The following PTH1R variants were observed in gnomAD, a reference collection of about 807,000 sequenced individuals.
PTH1R encodes parathyroid hormone/parathyroid hormone-related peptide receptor.
PTH1R carries 32 observed loss-of-function variants against 70.7 expected under a neutral mutation model. The observed-to-expected ratio is 0.45, with a 90% CI of 0.34 to 0.61. The LOEUF is 0.61. Ranked by LOEUF, PTH1R falls within the 20% of genes least tolerant of loss-of-function variation. The probability of loss-of-function intolerance (pLI) is 0.01; values close to 1 mark genes in which losing one functional copy is unlikely to be tolerated. For missense variants in PTH1R, 626 were observed against 792.5 expected, an observed-to-expected ratio of 0.79 and a Z score of 2.52; for synonymous variants, 329 against 324.8, an observed-to-expected ratio of 1.01 and a Z score of -0.14.
rs1480470209 is a variant in PTH1R at position 46,895,809 on chromosome 3, G to A, written c.253G>A (p.Gly85Arg). ...SGKPRKDKAS[G>R]KLYPESEEDK... The stretch of plus-strand genomic sequence containing the variant: ...GAAGCCCAGGAAAGATAAGGCATCT[G>A]GGAAGCTCTACCCTGAGTCTGAGGA... Residue 85 changes from glycine (G) to arginine (R), a missense_variant, in exon 5 of 16, where the codon GGG becomes AGG. By Grantham distance (125) the Gly-to-Arg change is moderately radical. Transcript: ENST00000449590. 6 of 1,614,018 alleles carry A rather than the reference G, an allele frequency of 3.7e-6. No homozygotes were observed. The African/African-American group carries it at 8.0e-5, about 22-fold the overall frequency.
Position 46,903,177 on chromosome 3 carries a change from C to T in PTH1R, c.1396-93C>T. Reference sequence around the variant, plus strand: ...GAGTTTCCCAGGAGTCCCCTATTCCCATTTTCATTCCGTGCTGGGTGTCCA... The same window carrying T: ...GAGTTTCCCAGGAGTCCCCTATTCCTATTTTCATTCCGTGCTGGGTGTCCA... On this transcript the variant is annotated intron_variant, in intron 15 of 15. Coordinates refer to ENST00000449590, the MANE Select transcript of PTH1R (RefSeq NM_000316.3). The surrounding 1 kb of genome is among the most constrained non-coding windows in gnomAD (Gnocchi z 4.4). 1 of 1,565,832 alleles carries T rather than the reference C, an allele frequency of 6.4e-7. No individual in the cohort carries two copies. The highest frequency in any genetic ancestry group is 8.6e-7 in the Non-Finnish European group (1 of 1,157,246).
rs2107071672 is a variant in PTH1R at position 46,903,761 on chromosome 3, CAG to C, written c.*106_*107del. 5 of 1,493,484 alleles carry C rather than the reference CAG, an allele frequency of 3.3e-6. No individual in the cohort carries two copies. Among genetic ancestry groups the C allele is most frequent in the East Asian group, 2.3e-5 (1 of 43,324 alleles). The allele number at this position is 1,493,484 out of a possible 1,614,324, so 92.5% of individuals were successfully genotyped here. ...TCAGGGCTGGGGCCAAGAGGAAAAA[CAG>C]GGAAAAAAAGAAAAAAAAAAGAAAA... On this transcript the variant is annotated 3_prime_UTR_variant, in exon 16 of 16. Coordinates refer to ENST00000449590, the MANE Select transcript of PTH1R (RefSeq NM_000316.3). The surrounding 1 kb of genome is among the most constrained non-coding windows in gnomAD (Gnocchi z 4.4).
Position 46,883,397 on chromosome 3 carries a change from T to C in PTH1R, c.-48-115T>C, listed in dbSNP as rs2030788384. On this transcript the variant is annotated intron_variant, in intron 2 of 15. Transcript: ENST00000449590. The surrounding 1 kb of genome is among the most constrained non-coding windows in gnomAD (Gnocchi z 6.4). Reference sequence around the variant, plus strand: ...CGCTCGCTCGCTCGCCCTCAGCGCATGGGCCCCGCGCCGGGCCCCGGGGCC... The same window carrying C: ...CGCTCGCTCGCTCGCCCTCAGCGCACGGGCCCCGCGCCGGGCCCCGGGGCC... 2 of 187,850 alleles carry C rather than the reference T, an allele frequency of 1.1e-5. No individual in the cohort carries two copies. Among genetic ancestry groups the C allele is most frequent in the Admixed American group, 6.8e-5 (1 of 14,696 alleles). The allele number at this position is 187,850 out of a possible 1,614,324, so 11.6% of individuals were successfully genotyped here. A position where few individuals can be genotyped will look rare whatever the true frequency, so the allele number is the denominator to read the frequency against.
At position 46,892,722 on chromosome 3, in the gene PTH1R, ACAGC is replaced by A. The variant is rs766593525; in HGVS notation, c.76-1182_76-1179del. The A allele has an allele frequency of 1.8e-4, 174 of 984,114 alleles. No homozygotes were observed. The Middle Eastern group carries it at 3.0e-3, about 17-fold the overall frequency. The allele number at this position is 984,114 out of a possible 1,614,324, so 61.0% of individuals were successfully genotyped here. A position where few individuals can be genotyped will look rare whatever the true frequency, so the allele number is the denominator to read the frequency against. ...CCTCCTCTGGGTCCTCCCGCCCTTC[ACAGC>A]CATGCTCGGACTGCAGGGCCCCGGC... is the stretch of plus-strand genomic sequence containing the variant. On this transcript the variant is annotated intron_variant, in intron 3 of 15. Transcript: ENST00000449590. This position sits in a 1 kb window ranked among gnomAD's most constrained non-coding sequence, Gnocchi z 5.2.
At position 46,898,715 on chromosome 3, in the gene PTH1R, T is replaced by G; in HGVS notation, c.692T>G (p.Met231Arg). 6.2e-7 allele frequency: 1 copy of G among 1,611,834 alleles called. No individual in the cohort carries two copies. Among genetic ancestry groups the G allele is most frequent in the Non-Finnish European group, 8.5e-7 (1 of 1,179,622 alleles). ...YIHMHLFLSF[M>R]LRAVSIFVKD... ...CACATGCACCTGTTCCTGTCCTTCATGCTGCGCGCCGTGAGCATCTTCGTC... is the reference window on the plus strand; with the variant it reads ...CACATGCACCTGTTCCTGTCCTTCAGGCTGCGCGCCGTGAGCATCTTCGTC... Residue 231 changes from methionine (M) to arginine (R), a missense_variant, in exon 9 of 16, where the codon ATG becomes AGG. Physicochemically the swap from Met to Arg is moderately conservative, Grantham distance 91. Around this residue, in one of 3 missense-constraint regions of PTH1R, gnomAD observed 495 missense variants for 638.7 expected, o/e 0.77. Coordinates refer to ENST00000449590, the MANE Select transcript of PTH1R (RefSeq NM_000316.3).
In PTH1R at chr3:46,898,802, AGCTGCGCGCCATCGCCCAGGCGCCCCC is replaced by A; in HGVS notation, c.782_808del (p.Leu261_Pro269del). The A allele has an allele frequency of 6.3e-7, 1 of 1,591,610 alleles. No individual in the cohort carries two copies. Among genetic ancestry groups the A allele is most frequent in the Non-Finnish European group, 8.5e-7 (1 of 1,174,338 alleles). On this transcript the variant is annotated inframe_deletion, in exon 9 of 16. Transcript: ENST00000449590. ...GAGGCTGAGCGCCTCACCGAGGAGG[AGCTGCGCGCCATCGCCCAGGCGCCCCC>A]GCCGCCTGCCACCGCCGCTGCCGGC...
chr3:46,883,590 G>C lies in PTH1R; in HGVS notation c.31G>C (p.Ala11Pro). 6.5e-7 allele frequency: 1 copy of C among 1,541,408 alleles called. No individual in the cohort carries two copies. Among genetic ancestry groups the C allele is most frequent in the Non-Finnish European group, 8.7e-7 (1 of 1,146,480 alleles). The part of the protein sequence containing the change: MGTARIAPGL[A>P]LLLCCPVLSS... ...GACCGCCCGGATCGCACCCGGCCTGGCGCTCCTGCTCTGCTGCCCCGTGCT... is the reference window on the plus strand; with the variant it reads ...GACCGCCCGGATCGCACCCGGCCTGCCGCTCCTGCTCTGCTGCCCCGTGCT... The change falls in exon 3 of 16, where the codon GCG becomes CCG. Residue 11 changes from alanine (A) to proline (P), a missense_variant. Physicochemically the swap from Ala to Pro is conservative, Grantham distance 27. Around this residue, in one of 3 missense-constraint regions of PTH1R, gnomAD observed 123 missense variants for 125.7 expected, o/e 0.98. Transcript: ENST00000449590. This position sits in a 1 kb window ranked among gnomAD's most constrained non-coding sequence, Gnocchi z 6.4.
intron 4 of PTH1R, among the ~76,000 whole-genome samples, chr3:46,895,063 C>CAAAAAAAA (rs66702283): frequency 3.8e-5 from 2 of 52,822 alleles, no homozygotes; most frequent in Non-Finnish European, 1.0e-4. Flanking sequence ...GACCTTGTCT[C>CAAAAAAAA]AAAAAAAAAA....
Position 46,902,396 on chromosome 3 carries a change from C to A in PTH1R, c.1212-130C>A. 1 of 1,268,156 alleles carries A rather than the reference C, an allele frequency of 7.9e-7. No individual in the cohort carries two copies. The allele number at this position is 1,268,156 out of a possible 1,614,324, so 78.6% of individuals were successfully genotyped here. A position where few individuals can be genotyped will look rare whatever the true frequency, so the allele number is the denominator to read the frequency against. On this transcript the variant is annotated intron_variant, in intron 13 of 15. Transcript: ENST00000449590. The surrounding 1 kb of genome is among the most constrained non-coding windows in gnomAD (Gnocchi z 5.4). ...CAGCCATGCAGGTGAACTGGGTTGT[C>A]CTCCCATGGTGACTGGAGCCCTGGG...
chr3:46,902,955 C>G lies in PTH1R; in HGVS notation c.1395+165C>G. ...GAAGTCTTTCCAGATGATGCAGGTTCAGGATGTGCTAGGATGTGGGGACTC... is the reference window on the plus strand; with the variant it reads ...GAAGTCTTTCCAGATGATGCAGGTTGAGGATGTGCTAGGATGTGGGGACTC... On this transcript the variant is annotated intron_variant, in intron 15 of 15. Transcript: ENST00000449590. This position sits in a 1 kb window ranked among gnomAD's most constrained non-coding sequence, Gnocchi z 5.4. 9.0e-7 allele frequency: 1 copy of G among 1,117,176 alleles called. No individual in the cohort carries two copies. Among genetic ancestry groups the G allele is most frequent in the Non-Finnish European group, 1.3e-6 (1 of 754,222 alleles). The allele number at this position is 1,117,176 out of a possible 1,614,324, so 69.2% of individuals were successfully genotyped here. A position where few individuals can be genotyped will look rare whatever the true frequency, so the allele number is the denominator to read the frequency against.
Position 46,901,431 on chromosome 3 carries a change from C to G in PTH1R, c.1067C>G (p.Ser356Cys). The G allele has an allele frequency of 6.3e-7, 1 of 1,575,662 alleles. No homozygotes were observed. Among genetic ancestry groups the G allele is most frequent in the South Asian group, 1.2e-5 (1 of 85,794 alleles). Residue 356 changes from serine to cysteine, a missense_variant, in exon 12 of 16, where the codon TCC (serine) becomes TGC (cysteine). Around this residue, in one of 3 missense-constraint regions of PTH1R, gnomAD observed 495 missense variants for 638.7 expected, o/e 0.77. Transcript: ENST00000449590. This position sits in a 1 kb window ranked among gnomAD's most constrained non-coding sequence, Gnocchi z 7.3. Reference protein sequence around the residue: ...LANTGCWDLSSGNKKWIIQVP... With the variant: ...LANTGCWDLSCGNKKWIIQVP... ...TCCCCCAGGTGCTGGGACTTGAGCT[C>G]CGGGAACAAAAAGTGGATCATCCAG...
chr3:46,885,706 G>A (rs909383447), intron 3 of PTH1R, among the ~76,000 whole-genome samples: 17 of 152,174 alleles, frequency 1.1e-4, no homozygotes, highest in Non-Finnish European at 2.4e-4. Context: ...TGGCTTCGGG[G>A]CCAGAAGATT....
Position 46,903,161 on chromosome 3 carries a change from A to G in PTH1R, c.1396-109A>G. ...ATTTCACTTGGCCTTGGAGTTTCCC[A>G]GGAGTCCCCTATTCCCATTTTCATT... On this transcript the variant is annotated intron_variant, in intron 15 of 15. Transcript: ENST00000449590. The surrounding 1 kb of genome is among the most constrained non-coding windows in gnomAD (Gnocchi z 4.4). 1.3e-6 allele frequency: 2 copies of G among 1,546,194 alleles called. No homozygotes were observed. Among genetic ancestry groups the G allele is most frequent in the South Asian group, 2.4e-5 (2 of 83,690 alleles).
In PTH1R at chr3:46,883,060, C is replaced by A. The variant is rs900209788; in HGVS notation, c.-48-452C>A. Among the ~76,000 whole-genome samples, 2 of 151,788 alleles carry A rather than the reference C, an allele frequency of 1.3e-5. No individual in the cohort carries two copies. Among genetic ancestry groups the A allele is most frequent in the African/African-American group, 4.8e-5 (2 of 41,366 alleles). On this transcript the variant is annotated intron_variant, in intron 2 of 15. Transcript: ENST00000449590. The surrounding 1 kb of genome is among the most constrained non-coding windows in gnomAD (Gnocchi z 6.4). ...AAAAATAACAGTCCTGCGCGCCCCC[C>A]GCAGACCGCGACCCCGACCCCTCCC...
At position 46,901,051 on chromosome 3, in the gene PTH1R, TG is replaced by T; in HGVS notation, c.1018del (p.Val340SerfsTer15). 1.9e-6 allele frequency: 3 copies of T among 1,584,498 alleles called. No individual in the cohort carries two copies. The highest frequency in any genetic ancestry group is 1.7e-6 in the Non-Finnish European group (2 of 1,164,162). ...TCTGCCCGCTGTCTTCGTGGCTGTG[TG>T]GGTCAGTGTCAGAGCTACCCTGGCC... is the stretch of plus-strand genomic sequence containing the variant. ...WGLPAVFVAV[W>X]VSVRATLANT... On this transcript the variant is annotated frameshift_variant, in exon 11 of 16. Coordinates refer to ENST00000449590, the MANE Select transcript of PTH1R (RefSeq NM_000316.3). LOFTEE classifies it high-confidence loss of function. The surrounding 1 kb of genome is among the most constrained non-coding windows in gnomAD (Gnocchi z 7.3).
chr3:46,903,510 G>T lies in PTH1R; in HGVS notation c.1636G>T (p.Glu546Ter). Reference protein sequence around the residue: ...GHAKPGTPALETLETTPPAMA... With the variant: ...GHAKPGTPAL ...TGCCAAGCCAGGGACCCCAGCCCTGGAGACCCTCGAGACCACACCACCTGC... is the reference window on the plus strand; with the variant it reads ...TGCCAAGCCAGGGACCCCAGCCCTGTAGACCCTCGAGACCACACCACCTGC... The change falls in exon 16 of 16, where the codon GAG becomes TAG. Residue 546 changes from glutamate (E) to a stop codon, truncating the protein, a stop_gained. Transcript: ENST00000449590. LOFTEE classifies it high-confidence loss of function. This position sits in a 1 kb window ranked among gnomAD's most constrained non-coding sequence, Gnocchi z 4.4. The T allele has an allele frequency of 6.2e-7, 1 of 1,613,942 alleles. No homozygotes were observed. Among genetic ancestry groups the T allele is most frequent in the Non-Finnish European group, 8.5e-7 (1 of 1,180,020 alleles).
At chr3:46,880,453 G>A (rs896799574) in intron 1 of PTH1R, among the ~76,000 whole-genome samples, 1 of 152,194 alleles carries the variant, frequency 6.6e-6, no homozygotes, top group Non-Finnish European at 1.5e-5. Context: ...GAAATGCATG[G>A]GGAGGGCCAA....
At chr3:46,878,535 T>C (rs2030369735) in intron 1 of PTH1R, among the ~76,000 whole-genome samples, 1 of 152,180 alleles carries the variant, frequency 6.6e-6, no homozygotes, top group African/African-American at 2.4e-5. Flanking sequence ...GGGGCTAGTG[T>C]TGGGATGAAG....
rs151330461 is a variant in PTH1R, at chr3:46,901,831, C to T, written c.1182C>T (p.Ala394=). ...CCACCAAGCTGCGGGAGACCAACGCCGGCCGGTGTGACACACGGCAGCAGT... is the reference window on the plus strand; with the variant it reads ...CCACCAAGCTGCGGGAGACCAACGCTGGCCGGTGTGACACACGGCAGCAGT... The part of the protein sequence containing the change: ...VLATKLRETN[A]GRCDTRQQYR... The change falls in exon 13 of 16, where the codon GCC becomes GCT. Residue 394 remains alanine (A), a synonymous_variant. Coordinates refer to ENST00000449590, the MANE Select transcript of PTH1R (RefSeq NM_000316.3). This position sits in a 1 kb window ranked among gnomAD's most constrained non-coding sequence, Gnocchi z 7.3. 6.0e-5 allele frequency: 97 copies of T among 1,613,840 alleles called. No individual in the cohort carries two copies. The highest frequency in any genetic ancestry group is 8.9e-5 in the East Asian group (4 of 44,886).
Sources: allele counts gnomAD v4.1 joint callset (sites outside exome capture counted in the v4.1 genomes callset), GRCh38; gene constraint gnomAD v4.1.1; regional missense constraint gnomAD v4.1.1; non-coding constraint Gnocchi (gnomAD v3.1); transcripts MANE v1.5; gene names NCBI Gene and HGNC (gene_info 2026-07-23, HGNC 2026-07-21).